The following CA10 variants were observed in gnomAD, a reference collection of about 807,000 sequenced individuals.
The protein encoded by CA10 is carbonic anhydrase 10 (inactive).
CA10 carries 14 observed loss-of-function variants against 44.2 expected under a neutral mutation model. The ratio of observed to expected loss-of-function variants is 0.32; its 90% CI spans 0.21 to 0.50. CA10 has a LOEUF of 0.50. Among genes scored for constraint, CA10 ranks in the 20% least tolerant of loss-of-function variants. The pLI, the probability that CA10 is intolerant of heterozygous loss-of-function variation, is 0.99. For synonymous variants in CA10, 159 were observed against 141.6 expected (o/e 1.12, Z -0.87); for missense variants, 350 against 409.7 (o/e 0.85, Z 1.26).
At chr17:52,152,087 C>A (rs1005660588) in intron 1 of CA10, among the ~76,000 whole-genome samples, 1 of 151,992 alleles carries the variant, frequency 6.6e-6, no homozygotes, top group African/African-American at 2.4e-5. Context: ...TGAGACCCTA[C>A]CTCCAGCCCC....
intron 2 of CA10, among the ~76,000 whole-genome samples, chr17:52,002,008 CA>C (rs1985442374): frequency 6.6e-6 from 1 of 151,812 alleles, no homozygotes; most frequent in South Asian, 2.1e-4. Context: ...GCACTTAAGA[CA>C]GATAACCTGA....
At chr17:51,760,989 T>C (rs759813984) in intron 3 of CA10, among the ~76,000 whole-genome samples, 8 of 152,202 alleles carry the variant, frequency 5.3e-5, no homozygotes, top group Non-Finnish European at 1.0e-4. Flanking sequence ...CAATTCGAAC[T>C]CACCACATTT....
intron 1 of CA10, among the ~76,000 whole-genome samples, chr17:52,074,276 C>G (rs1482685352): frequency 2.0e-5 from 3 of 152,178 alleles, no homozygotes; most frequent in African/African-American, 7.2e-5. Flanking sequence ...CCTGATAATT[C>G]TCTAAACTTC....
chr17:51,784,509 C>T (rs557422780), intron 3 of CA10, among the ~76,000 whole-genome samples: 4 of 152,350 alleles, frequency 2.6e-5, no homozygotes, highest in African/African-American at 9.6e-5. Flanking sequence ...CTGTTTATCT[C>T]TGTCTTCCGC....
chr17:52,078,741 A>G (rs1475361568), intron 1 of CA10, among the ~76,000 whole-genome samples: 1 of 152,210 alleles, frequency 6.6e-6, no homozygotes, highest in Non-Finnish European at 1.5e-5. Flanking sequence ...AAGTGCATGG[A>G]TCGTCAGAAG....
chr17:51,791,087 C>A (rs1471630463), intron 3 of CA10, among the ~76,000 whole-genome samples: 1 of 152,154 alleles, frequency 6.6e-6, no homozygotes, highest in East Asian at 1.9e-4. Context: ...AAGATACATA[C>A]CTCAAAGCAC....
chr17:51,965,343 A>C (rs1984041954), intron 2 of CA10, among the ~76,000 whole-genome samples: 1 of 152,018 alleles, frequency 6.6e-6, no homozygotes, highest in African/African-American at 2.4e-5. Context: ...ATTTCAAGAA[A>C]TCAAGGAGGA....
chr17:51,758,649 G>A (rs1037834202), intron 3 of CA10, among the ~76,000 whole-genome samples: 1 of 152,184 alleles, frequency 6.6e-6, no homozygotes, highest in Non-Finnish European at 1.5e-5. Context: ...CTGGTATGTA[G>A]GTTTCCGGGG....
At chr17:51,905,554 A>G (rs570170506) in intron 3 of CA10, among the ~76,000 whole-genome samples, 17 of 132,384 alleles carry the variant, frequency 1.3e-4, no homozygotes, top group African/African-American at 4.6e-4. Context: ...TTTTTTTTAC[A>G]ACTCTACCCT....
chr17:51,933,023 C>T (rs1267978375), intron 2 of CA10, among the ~76,000 whole-genome samples: 1 of 152,118 alleles, frequency 6.6e-6, no homozygotes, highest in Non-Finnish European at 1.5e-5. Context: ...GTAACGCACA[C>T]ACAAGTGGCA....
chr17:52,007,698 T>A (rs1460060565), intron 2 of CA10, among the ~76,000 whole-genome samples: 4 of 151,520 alleles, frequency 2.6e-5, no homozygotes, highest in Non-Finnish European at 4.4e-5. Context: ...TATACTTTTT[T>A]TTCCTCTTCT....
chr17:52,051,578 A>T (rs1987073985), intron 2 of CA10, among the ~76,000 whole-genome samples: 2 of 152,156 alleles, frequency 1.3e-5, no homozygotes, highest in African/African-American at 4.8e-5. Flanking sequence ...GCAAATCAAA[A>T]CCACAATGAT....
chr17:51,755,969 T>C (rs1598029194), intron 3 of CA10, among the ~76,000 whole-genome samples: 1 of 152,310 alleles, frequency 6.6e-6, no homozygotes, highest in East Asian at 1.9e-4. Context: ...TATTTACTAT[T>C]CTATATGGAA....
At chr17:51,811,501 G>A (rs2143739921) in intron 3 of CA10, among the ~76,000 whole-genome samples, 1 of 152,248 alleles carries the variant, frequency 6.6e-6, no homozygotes, top group South Asian at 2.1e-4. Flanking sequence ...TAATCTCATT[G>A]TTCAGTTTCC....
At chr17:51,632,264 G>A (rs1912613462) in intron 8 of CA10, among the ~76,000 whole-genome samples, 2 of 152,180 alleles carry the variant, frequency 1.3e-5, no homozygotes, top group Admixed American at 6.6e-5. Flanking sequence ...TGTCTTATCT[G>A]TCACCCATCA....
intron 3 of CA10, among the ~76,000 whole-genome samples, chr17:51,881,226 C>G (rs1416094295): frequency 8.2e-6 from 1 of 122,570 alleles, no homozygotes; most frequent in Middle Eastern, 6.9e-3. Context: ...GGCGACAGAG[C>G]GAGACTCCGT....
At chr17:51,644,889 C>T (rs1267186600) in intron 6 of CA10, among the ~76,000 whole-genome samples, 1 of 150,782 alleles carries the variant, frequency 6.6e-6, no homozygotes, top group Non-Finnish European at 1.5e-5. Context: ...ACCTCCGCCT[C>T]CCGGGTTCAA....
intron 2 of CA10, among the ~76,000 whole-genome samples, chr17:52,045,342 G>T (rs921566450): frequency 1.8e-5 from 2 of 110,942 alleles, no homozygotes; most frequent in Non-Finnish European, 3.9e-5. Context: ...TATAGAAAAT[G>T]ATAGCTTTAT....
intron 1 of CA10, among the ~76,000 whole-genome samples, chr17:52,103,161 T>C (rs1406056380): frequency 6.6e-6 from 1 of 152,216 alleles, no homozygotes. Context: ...ACCTGTGTTT[T>C]GTAAAACCAT....
Sources: allele counts gnomAD v4.1 joint callset (sites outside exome capture counted in the v4.1 genomes callset), GRCh38; gene constraint gnomAD v4.1.1; transcripts MANE v1.5; gene names NCBI Gene and HGNC (gene_info 2026-07-23, HGNC 2026-07-21).